MED13L: variants seen among roughly 807,000 people sequenced by gnomAD.
MED13L encodes the protein mediator of RNA polymerase II transcription subunit 13-like.
In MED13L, 7 loss-of-function variants were observed where a neutral mutation model predicts 220.9. The observed-to-expected ratio is 0.03, with a 90% CI of 0.02 to 0.06. The LOEUF (loss-of-function observed/expected upper bound fraction) is 0.06. Among genes scored for constraint, MED13L ranks in the 10% least tolerant of loss-of-function variants. MED13L has a pLI of 1.00. For synonymous variants in MED13L, 1,011 were observed against 1,015.2 expected (o/e 1.00, Z 0.08); for missense variants, 1,965 against 2,760.5 (o/e 0.71, Z 6.46).
At chr12:116,027,395 C>T (rs547874567) in intron 4 of MED13L, among the ~76,000 whole-genome samples, 13 of 152,108 alleles carry the variant, frequency 8.5e-5, no homozygotes, top group Non-Finnish European at 1.6e-4. Flanking sequence ...GAACTCCAGC[C>T]GGGGTGACAG....
chr12:116,037,433 T>G (rs2137527380), intron 4 of MED13L, among the ~76,000 whole-genome samples: 1 of 152,340 alleles, frequency 6.6e-6, no homozygotes, highest in South Asian at 2.1e-4. Context: ...AGACTTGGGT[T>G]CCATCCCCAA....
In MED13L at chr12:116,080,052, A is replaced by C. The variant is rs139883842; in HGVS notation, c.479+16617T>G. 5.8e-4 allele frequency among the ~76,000 whole-genome samples: 88 copies of C among 151,420 alleles called. No individual in the cohort carries two copies. The East Asian group carries it at 0.013, about 23-fold the overall frequency. Reference sequence around the variant, plus strand: ...TTTTTTTTTTAGCTCATTAGCTACCATTAGTGCTAGTATATTTCATGTATG... The same window carrying C: ...TTTTTTTTTTAGCTCATTAGCTACCCTTAGTGCTAGTATATTTCATGTATG... On this transcript the variant is annotated intron_variant, in intron 4 of 30. Transcript: ENST00000281928.
At chr12:116,008,077 A>C in intron 10 of MED13L, 1 of 362,878 alleles carries the variant, frequency 2.8e-6, no homozygotes, top group Non-Finnish European at 4.9e-6. Context: ...GTCAACATAC[A>C]AAGAAGGCAC....
At chr12:116,086,025 G>C (rs988061332) in intron 4 of MED13L, among the ~76,000 whole-genome samples, 1 of 152,160 alleles carries the variant, frequency 6.6e-6, no homozygotes, top group South Asian at 2.1e-4. Context: ...CTTCTGCTGG[G>C]GAGCAGAAAT....
At chr12:116,131,969 C>T (rs906454704) in intron 2 of MED13L, among the ~76,000 whole-genome samples, 3 of 151,764 alleles carry the variant, frequency 2.0e-5, no homozygotes, top group Admixed American at 2.0e-4. Flanking sequence ...GGTGGCAGAG[C>T]GCAACTCCAT....
In MED13L at chr12:116,174,316, A is replaced by G. The variant is rs1000181436; in HGVS notation, c.311-62804T>C. ...AAATGAACAAATTAAAAGAAATTCA[A>G]TTTAACTGCCCAAGGGTAAATGATA... On this transcript the variant is annotated intron_variant, in intron 2 of 30. Transcript: ENST00000281928. Among the ~76,000 whole-genome samples the G allele has an allele frequency of 5.3e-5, 8 of 152,298 alleles. No homozygotes were observed. The East Asian group carries it at 1.3e-3, about 26-fold the overall frequency.
intron 3 of MED13L, among the ~76,000 whole-genome samples, chr12:116,103,999 CTTTTTTTTTT>C (rs36066243): frequency 2.1e-4 from 12 of 57,418 alleles, no homozygotes; most frequent in Admixed American, 5.1e-4. Context: ...GGACATTGCT[CTTTTTTTTTT>C]TTTTTTTTTT....
chr12:116,151,843 G>C (rs1428443215), intron 2 of MED13L, among the ~76,000 whole-genome samples: 1 of 152,168 alleles, frequency 6.6e-6, no homozygotes, highest in African/African-American at 2.4e-5. Flanking sequence ...AGGACATTCA[G>C]AGACATCGAC....
chr12:116,102,703 C>CTTTTTCCTTTT (rs1873177298), intron 3 of MED13L, among the ~76,000 whole-genome samples: 1 of 63,204 alleles, frequency 1.6e-5, no homozygotes, highest in African/African-American at 5.4e-5. Flanking sequence ...TTTTCTTTTT[C>CTTTTTCCTTTT]TTTTTTCTTT....
intron 2 of MED13L, among the ~76,000 whole-genome samples, chr12:116,217,487 A>G (rs1004634708): frequency 6.6e-6 from 1 of 152,186 alleles, no homozygotes; most frequent in Non-Finnish European, 1.5e-5. Context: ...ACACCCACAA[A>G]GACAGTTCAC....
chr12:115,968,835 A>C, intron 28 of MED13L, 105 bp downstream of exon 28: 1 of 1,412,658 alleles, frequency 7.1e-7, no homozygotes. Flanking sequence ...AAGGACCCAG[A>C]CCATCAAGAA....
chr12:116,179,183 A>G (rs1041146884), intron 2 of MED13L, among the ~76,000 whole-genome samples: 1 of 151,014 alleles, frequency 6.6e-6, no homozygotes, highest in Non-Finnish European at 1.5e-5. Context: ...ACCACAAAAT[A>G]ATTTAAAATT....
chr12:116,165,733 G>C (rs1879215013), intron 2 of MED13L, among the ~76,000 whole-genome samples: 1 of 152,004 alleles, frequency 6.6e-6, no homozygotes, highest in South Asian at 2.1e-4. Context: ...CCTTCCTCAA[G>C]ACCCCACCTT....
intron 2 of MED13L, among the ~76,000 whole-genome samples, chr12:116,182,591 T>C (rs1371727577): frequency 6.6e-6 from 1 of 152,224 alleles, no homozygotes; most frequent in Non-Finnish European, 1.5e-5. Context: ...TACAGCTTAC[T>C]GAAGAACACT....
At chr12:116,152,522 A>G (rs1026908708) in intron 2 of MED13L, among the ~76,000 whole-genome samples, 1 of 151,708 alleles carries the variant, frequency 6.6e-6, no homozygotes, top group Non-Finnish European at 1.5e-5. Context: ...GGGATTTCCT[A>G]CTCCCTTGCG....
chr12:116,068,186 A>G (rs535201841), intron 4 of MED13L, among the ~76,000 whole-genome samples: 1 of 152,302 alleles, frequency 6.6e-6, no homozygotes, highest in African/African-American at 2.4e-5. Context: ...CTAGCACTGG[A>G]AAGTTCTATG....
chr12:116,032,142 T>C (rs1329080960), intron 4 of MED13L, among the ~76,000 whole-genome samples: 1 of 152,154 alleles, frequency 6.6e-6, no homozygotes, highest in Non-Finnish European at 1.5e-5. Context: ...TGAAGTCTTT[T>C]AAAAGATGTA....
chr12:116,069,689 C>T (rs1870223057), intron 4 of MED13L, among the ~76,000 whole-genome samples: 1 of 152,132 alleles, frequency 6.6e-6, no homozygotes, highest in South Asian at 2.1e-4. Context: ...CAAAACAGTC[C>T]AAAATCCAAA....
intron 2 of MED13L, among the ~76,000 whole-genome samples, chr12:116,150,325 C>G (rs1877939045): frequency 6.6e-6 from 1 of 152,208 alleles, no homozygotes; most frequent in South Asian, 2.1e-4. Context: ...GCAGTGCCAG[C>G]TTATCAACGT....
Sources: gnomAD v4.1 joint callset for allele counts (sites outside exome capture counted in the v4.1 genomes callset) on GRCh38, gnomAD v4.1.1 for gene constraint, MANE v1.5 for transcripts, NCBI Gene and HGNC (gene_info 2026-07-23, HGNC 2026-07-21) for gene names.